INSL6: variants seen among roughly 807,000 people sequenced by gnomAD.
INSL6 encodes insulin-like peptide INSL6.
INSL6 carries 16 observed loss-of-function variants against 9.4 expected under a neutral mutation model. The ratio of observed to expected loss-of-function variants is 1.70; its 90% CI spans 1.15 to 2.59. The LOEUF (loss-of-function observed/expected upper bound fraction) is 2.59. Ranked by LOEUF, INSL6 falls within the 30% of genes most tolerant of loss-of-function variation. The pLI, the probability that INSL6 is intolerant of heterozygous loss-of-function variation, is 0.00. For synonymous variants in INSL6, 154 were observed against 96.9 expected, an observed-to-expected ratio of 1.59 and a Z score of -3.46; for missense variants, 391 against 257.3, an observed-to-expected ratio of 1.52 and a Z score of -3.56.
chr9:5,111,390 A>AGGCGGACAGC, the INSL6 span: 3 of 371,898 alleles, frequency 8.1e-6, no homozygotes, highest in Non-Finnish European at 1.5e-5. Context: ...TGGCGGACAG[A>AGGCGGACAGC]GGCGGACAGC....
chr9:5,029,824 G>A, the INSL6 span: 1 of 1,611,258 alleles, frequency 6.2e-7, no homozygotes, highest in Non-Finnish European at 8.5e-7. Flanking sequence ...TTTAATGAGT[G>A]AAACAGAAAG....
At chr9:5,064,598 T>A in the INSL6 span, among the ~76,000 whole-genome samples, 2 of 152,150 alleles carry the variant, frequency 1.3e-5, no homozygotes, top group Non-Finnish European at 2.9e-5. Context: ...TTAAATAGAT[T>A]TCTAGCTGAG....
At chr9:5,135,755 T>C (rs1398059257) in intron 2 of INSL6, among the ~76,000 whole-genome samples, 1 of 150,996 alleles carries the variant, frequency 6.6e-6, no homozygotes, top group East Asian at 1.9e-4. Context: ...TAGCAGAAGA[T>C]GAGAAATAAC....
chr9:5,043,295 A>G, the INSL6 span, among the ~76,000 whole-genome samples: 8 of 152,072 alleles, frequency 5.3e-5, no homozygotes, highest in African/African-American at 1.9e-4. Flanking sequence ...TTTTGAAGCC[A>G]TACAACTTAG....
At chr9:5,025,899 T>C in the INSL6 span, among the ~76,000 whole-genome samples, 2 of 152,232 alleles carry the variant, frequency 1.3e-5, no homozygotes, top group Admixed American at 1.3e-4. Context: ...TTCACAAAAA[T>C]TGTCCATCTG....
intron 2 of INSL6, among the ~76,000 whole-genome samples, chr9:5,157,287 C>T (rs1440031495): frequency 2.0e-5 from 3 of 151,910 alleles, no homozygotes; most frequent in Non-Finnish European, 2.9e-5. Flanking sequence ...TCAACAATAG[C>T]CAATACAACT....
chr9:5,142,002 G>GT (rs1465080602), intron 2 of INSL6, among the ~76,000 whole-genome samples: 1 of 152,058 alleles, frequency 6.6e-6, no homozygotes, highest in African/African-American at 2.4e-5. Context: ...TTTTTGTCAG[G>GT]TTTGTCGAAA....
At chr9:5,129,645 A>C (rs1285582929) in intron 3 of INSL6, among the ~76,000 whole-genome samples, 1 of 152,104 alleles carries the variant, frequency 6.6e-6, no homozygotes, top group Non-Finnish European at 1.5e-5. Flanking sequence ...AAAACAATTA[A>C]AGTATGAATA....
At chr9:5,100,406 A>T in the INSL6 span, 6 of 152,214 alleles carry the variant, frequency 3.9e-5, no homozygotes, top group Non-Finnish European at 8.8e-5. Context: ...TATACCAATG[A>T]TGATGTGATA....
the INSL6 span, among the ~76,000 whole-genome samples, chr9:5,070,506 T>C: frequency 1.3e-5 from 2 of 152,162 alleles, no homozygotes; most frequent in Admixed American, 1.3e-4. Flanking sequence ...ATATGAAAAG[T>C]TGGCCCTCTA....
intron 1 of INSL6, among the ~76,000 whole-genome samples, chr9:5,171,012 C>T (rs1825169283): frequency 6.6e-6 from 1 of 152,136 alleles, no homozygotes; most frequent in Non-Finnish European, 1.5e-5. Flanking sequence ...CATCCTGATA[C>T]CAAAACCTGA....
At chr9:5,153,486 A>G (rs774411368) in intron 2 of INSL6, among the ~76,000 whole-genome samples, 9 of 152,234 alleles carry the variant, frequency 5.9e-5, no homozygotes, top group South Asian at 2.1e-4. Flanking sequence ...AGACTGCCTC[A>G]GGCAAGAGAA....
chr9:5,161,394 C>T (rs367959728), downstream of INSL6, among the ~76,000 whole-genome samples: 1 of 152,136 alleles, frequency 6.6e-6, no homozygotes, highest in African/African-American at 2.4e-5. Context: ...CATGCTAAAA[C>T]CCCTCAAAAA....
chr9:5,109,356 A>G, the INSL6 span: 1 of 152,190 alleles, frequency 6.6e-6, no homozygotes, highest in Admixed American at 6.5e-5. Flanking sequence ...GCAACTTCTT[A>G]TCTACCAAGA....
At chr9:5,143,805 A>ACCCACCC (rs1824548664) in intron 2 of INSL6, among the ~76,000 whole-genome samples, 2 of 151,076 alleles carry the variant, frequency 1.3e-5, no homozygotes, top group Admixed American at 6.6e-5. Context: ...GATTACAGGC[A>ACCCACCC]CCCACCCCCA....
intron 2 of INSL6, among the ~76,000 whole-genome samples, chr9:5,153,212 G>T (rs924925411): frequency 9.9e-5 from 15 of 151,666 alleles, no homozygotes; most frequent in African/African-American, 3.7e-4. Flanking sequence ...CCCCTGAAAA[G>T]GGGGCTGAAG....
chr9:5,053,194 C>T, the INSL6 span, among the ~76,000 whole-genome samples: 1 of 151,974 alleles, frequency 6.6e-6, no homozygotes, highest in South Asian at 2.1e-4. Context: ...CTGTCTCATT[C>T]TAGTTTTGAT....
intron 1 of INSL6, among the ~76,000 whole-genome samples, chr9:5,182,734 A>G (rs967790585): frequency 5.3e-5 from 8 of 152,234 alleles, no homozygotes; most frequent in African/African-American, 1.9e-4. Flanking sequence ...CAGATTATGA[A>G]AAGCTGATTT....
the INSL6 span, among the ~76,000 whole-genome samples, chr9:5,006,093 C>A: frequency 6.6e-6 from 1 of 152,124 alleles, no homozygotes; most frequent in African/African-American, 2.4e-5. Context: ...GCAGTATGGC[C>A]ATTTTCACGA....
Sources: allele counts gnomAD v4.1 joint callset (sites outside exome capture counted in the v4.1 genomes callset), GRCh38; gene constraint gnomAD v4.1.1; transcripts MANE v1.5; gene names NCBI Gene and HGNC (gene_info 2026-07-23, HGNC 2026-07-21).